KLRG1: variants seen among roughly 807,000 people sequenced by gnomAD.
KLRG1 encodes killer cell lectin-like receptor subfamily G member 1.
In KLRG1, 16 loss-of-function variants were observed where a neutral mutation model predicts 21.8. That is an observed-to-expected ratio of 0.73 (90% CI 0.50 to 1.11). The LOEUF is 1.11. Ranked by LOEUF, KLRG1 falls within the 50% of genes most tolerant of loss-of-function variation. The probability of loss-of-function intolerance (pLI) is 0.00; values close to 1 mark genes in which losing one functional copy is unlikely to be tolerated. For synonymous variants in KLRG1, 69 were observed against 75.9 expected (o/e 0.91, Z 0.47); for missense variants, 173 against 218.3 (o/e 0.79, Z 1.31).
the KLRG1 span, among the ~76,000 whole-genome samples, chr12:9,131,259 T>G: frequency 4.6e-5 from 7 of 152,330 alleles, no homozygotes; most frequent in Non-Finnish European, 7.4e-5. Context: ...TTTTGGCTAT[T>G]TCAGATTCCT....
the KLRG1 span, chr12:9,106,519 A>C: frequency 6.3e-7 from 1 of 1,598,252 alleles, no homozygotes; most frequent in East Asian, 2.2e-5. Flanking sequence ...TCTGGGCCTC[A>C]GTGTGAAGTT....
chr12:9,099,118 C>T, the KLRG1 span, among the ~76,000 whole-genome samples: 2 of 152,098 alleles, frequency 1.3e-5, no homozygotes, highest in African/African-American at 4.8e-5. Flanking sequence ...TTACATATTT[C>T]CCAACGTTTC....
At chr12:9,068,280 A>T in the KLRG1 span, 3 of 1,568,402 alleles carry the variant, frequency 1.9e-6, no homozygotes, top group Non-Finnish European at 2.6e-6. Context: ...GTGAGAAAGA[A>T]AGCAAACATC....
chr12:9,062,234 GGATA>G, the KLRG1 span, among the ~76,000 whole-genome samples: 1 of 115,006 alleles, frequency 8.7e-6, no homozygotes, highest in African/African-American at 3.6e-5. Context: ...CACAATAGAT[GGATA>G]ATGTATCTGA....
At chr12:9,138,538 T>C in the KLRG1 span, among the ~76,000 whole-genome samples, 2 of 152,044 alleles carry the variant, frequency 1.3e-5, no homozygotes, top group Non-Finnish European at 2.9e-5. Context: ...AGTTTGGAAG[T>C]GTTCTCTCAC....
chr12:9,005,136 T>C (rs1303685979), intron 3 of KLRG1, among the ~76,000 whole-genome samples: 2 of 149,220 alleles, frequency 1.3e-5, no homozygotes, highest in African/African-American at 5.0e-5. Context: ...TTCTCACTTA[T>C]AAGTAGGAGT....
At chr12:9,186,849 CG>C in the KLRG1 span, among the ~76,000 whole-genome samples, 2 of 4,414 alleles carry the variant, frequency 4.5e-4, no homozygotes, top group Admixed American at 6.5e-3. Context: ...TGGGGCCTGT[CG>C]GGGGTGGGGG....
At chr12:9,200,857 A>C in the KLRG1 span, 2 of 1,585,246 alleles carry the variant, frequency 1.3e-6, no homozygotes, top group Non-Finnish European at 1.7e-6. Context: ...TAGGAACCAA[A>C]ATGTTATGCC....
In KLRG1 at chr12:8,992,311, G is replaced by A. The variant is rs765464164; in HGVS notation, c.187+1G>A. 1 of 1,602,924 alleles carries A rather than the reference G, an allele frequency of 6.2e-7. No individual in the cohort carries two copies. The highest frequency in any genetic ancestry group is 1.7e-5 in the Admixed American group (1 of 58,148). On this transcript the variant is annotated splice_donor_variant, in intron 2 of 4. Coordinates refer to ENST00000356986, the MANE Select transcript of KLRG1 (RefSeq NM_005810.4). LOFTEE classifies it high-confidence loss of function. ...CTATACCAGTGGATCCTGTGCCAGG[G>A]TAAGTGCAAACTTAAACCAAAATTA...
the KLRG1 span, among the ~76,000 whole-genome samples, chr12:9,059,950 G>T: frequency 1.4e-5 from 2 of 146,764 alleles, no homozygotes; most frequent in African/African-American, 5.0e-5. Context: ...AAACCAAAGT[G>T]TTGGGGTTAC....
chr12:9,068,176 G>A, the KLRG1 span: 1 of 1,611,786 alleles, frequency 6.2e-7, no homozygotes, highest in Non-Finnish European at 8.5e-7. Context: ...GAGTGTGAGT[G>A]GCTTACCTTT....
At chr12:9,103,104 A>G in the KLRG1 span, among the ~76,000 whole-genome samples, 1 of 152,194 alleles carries the variant, frequency 6.6e-6, no homozygotes, top group African/African-American at 2.4e-5. Context: ...GAATAGCAAG[A>G]CAAAATAAAG....
the KLRG1 span, among the ~76,000 whole-genome samples, chr12:9,142,679 AT>A: frequency 1.3e-5 from 2 of 152,000 alleles, no homozygotes; most frequent in Non-Finnish European, 2.9e-5. Flanking sequence ...TAGTTATAAG[AT>A]TTTTTTTCTA....
At chr12:9,098,692 G>A in the KLRG1 span, 46 of 1,611,940 alleles carry the variant, frequency 2.9e-5, no homozygotes, top group Non-Finnish European at 3.9e-5. Context: ...CTGAGGAGCC[G>A]CTGTGACTCG....
At chr12:9,110,882 T>C in the KLRG1 span, among the ~76,000 whole-genome samples, 1 of 152,154 alleles carries the variant, frequency 6.6e-6, no homozygotes, top group Non-Finnish European at 1.5e-5. Context: ...CAAATATACA[T>C]GTAAAGTGCC....
At chr12:8,974,541 A>C (rs571283325) in intron 1 of KLRG1, among the ~76,000 whole-genome samples, 634 of 152,166 alleles carry the variant, frequency 4.2e-3, no homozygotes, top group Non-Finnish European at 6.9e-3. Context: ...ATTGAGGTAC[A>C]TTCTCTCTAT....
intron 1 of KLRG1, among the ~76,000 whole-genome samples, chr12:8,966,592 C>T (rs1360498666): frequency 1.1e-4 from 16 of 152,186 alleles, no homozygotes; most frequent in Admixed American, 2.6e-4. Context: ...AAATGCTCAT[C>T]GTCACTGGCC....
At chr12:9,014,562 G>A (rs1947674219), downstream of KLRG1, among the ~76,000 whole-genome samples, 2 of 151,948 alleles carry the variant, frequency 1.3e-5, no homozygotes, top group South Asian at 4.1e-4. Flanking sequence ...ACAAACAAAA[G>A]CAGAAGGATT....
At chr12:9,144,412 G>T in the KLRG1 span, among the ~76,000 whole-genome samples, 1 of 152,088 alleles carries the variant, frequency 6.6e-6, no homozygotes, top group Admixed American at 6.6e-5. Context: ...GGGGTGGTTG[G>T]CCAGAGACTC....
Sources: allele counts gnomAD v4.1 joint callset (sites outside exome capture counted in the v4.1 genomes callset), GRCh38; gene constraint gnomAD v4.1.1; transcripts MANE v1.5; gene names NCBI Gene and HGNC (gene_info 2026-07-23, HGNC 2026-07-21).